The following ADAM30 variants were observed in gnomAD, a reference collection of about 807,000 sequenced individuals.
ADAM30 encodes ADAM metallopeptidase domain 30, also known as disintegrin and metalloproteinase domain-containing protein 30.
For missense variants in ADAM30, 960 were observed against 959.4 expected, an observed-to-expected ratio of 1.00 and a Z score of -0.01; for synonymous variants, 382 against 340.9, an observed-to-expected ratio of 1.12 and a Z score of -1.33.
chr1:119,894,926 C>G lies in ADAM30; in HGVS notation c.1411G>C (p.Asp471His), dbSNP rs183935565. 1 of 1,614,196 alleles carries G rather than the reference C, an allele frequency of 6.2e-7. No individual in the cohort carries two copies. The highest frequency in any genetic ancestry group is 8.5e-7 in the Non-Finnish European group (1 of 1,180,040). Residue 471 changes from aspartate to histidine, a missense_variant, in exon 1 of 1, where the codon GAC becomes CAC. Coordinates refer to ENST00000369400, the MANE Select transcript of ADAM30 (RefSeq NM_021794.4). Reference sequence around the variant, plus strand: ...TTTGGGCAGGAACTTGAATTCCCGTCGCAGTACTCTGCAAGGTCACATTCA... The same window carrying G: ...TTTGGGCAGGAACTTGAATTCCCGTGGCAGTACTCTGCAAGGTCACATTCA... ...GNECDLAEYC[D>H]GNSSSCPNDV...
rs1648488419 is a variant in ADAM30, at chr1:119,893,770, G to A, written c.*194C>T. ...TACCCACAACTTGGTCACAAACTGA[G>A]GGGCAAGTGAACACTCGAGAAGTAG... is the stretch of plus-strand genomic sequence containing the variant. On this transcript the variant is annotated 3_prime_UTR_variant, in exon 1 of 1. Coordinates refer to ENST00000369400, the MANE Select transcript of ADAM30 (RefSeq NM_021794.4). 6 of 1,125,944 alleles carry A rather than the reference G, an allele frequency of 5.3e-6. No individual in the cohort carries two copies. The East Asian group carries it at 1.6e-4, about 30-fold the overall frequency. 69.7% of individuals were successfully genotyped at this position (1,125,944 alleles called of 1,614,324 possible). A position where few individuals can be genotyped will look rare whatever the true frequency, so the allele number is the denominator to read the frequency against.
chr1:119,896,414 G>A lies in ADAM30; in HGVS notation c.-78C>T, dbSNP rs768801591. On this transcript the variant is annotated 5_prime_UTR_variant, in exon 1 of 1. Coordinates refer to ENST00000369400, the MANE Select transcript of ADAM30 (RefSeq NM_021794.4). ...CTCGCGAGTCAGATTTCTGGGGGCC[G>A]CCGCTAGAGGCGCCTGAGCTCAAAA... is the stretch of plus-strand genomic sequence containing the variant. The A allele has an allele frequency of 2.7e-5, 39 of 1,440,816 alleles. No individual in the cohort carries two copies. Among genetic ancestry groups the A allele is most frequent in the Non-Finnish European group, 3.5e-5 (38 of 1,095,708 alleles). 89.3% of individuals were successfully genotyped at this position (1,440,816 alleles called of 1,614,324 possible).
rs745329963 is a variant in ADAM30 at position 119,894,606 on chromosome 1, A to G, written c.1731T>C (p.Thr577=). The G allele has an allele frequency of 8.1e-6, 13 of 1,614,056 alleles. No individual in the cohort carries two copies. In the Admixed American group the frequency reaches 2.2e-4, roughly 27 times the overall value. Residue 577 remains threonine (T), a synonymous_variant, in exon 1 of 1, where the codon ACT becomes ACC. Coordinates refer to ENST00000369400, the MANE Select transcript of ADAM30 (RefSeq NM_021794.4). The part of the protein sequence containing the change: ...DLPEHTTIIS[T]HLQAENLMCW... ...ACATGAGATTTTCTGCCTGTAAATG[A>G]GTAGAAATTATAGTCGTATGCTCTG...
At position 119,895,180 on chromosome 1, in the gene ADAM30, G is replaced by T. The variant is rs1369112415; in HGVS notation, c.1157C>A (p.Ala386Glu). ...TCCTGGGATATTATTTAGACATGTT[G>T]CTCCCGAAGAGATATGTTTAAAAAA... Reference protein sequence around the residue: ...ISFFKHISSGATCLNNIPGLG... With the variant: ...ISFFKHISSGETCLNNIPGLG... The change falls in exon 1 of 1, where the codon GCA becomes GAA. Residue 386 changes from alanine (A) to glutamate (E), a missense_variant. Coordinates refer to ENST00000369400, the MANE Select transcript of ADAM30 (RefSeq NM_021794.4). 1 of 1,614,070 alleles carries T rather than the reference G, an allele frequency of 6.2e-7. No homozygotes were observed. Among genetic ancestry groups the T allele is most frequent in the Non-Finnish European group, 8.5e-7 (1 of 1,180,030 alleles).
rs1425599642 is a variant in ADAM30, at chr1:119,893,771, G to A, written c.*193C>T. On this transcript the variant is annotated 3_prime_UTR_variant, in exon 1 of 1. Transcript: ENST00000369400. ...ACCCACAACTTGGTCACAAACTGAG[G>A]GGCAAGTGAACACTCGAGAAGTAGA... 1 of 1,131,750 alleles carries A rather than the reference G, an allele frequency of 8.8e-7. No homozygotes were observed. Among genetic ancestry groups the A allele is most frequent in the Non-Finnish European group, 1.2e-6 (1 of 830,994 alleles). The allele number at this position is 1,131,750 out of a possible 1,614,324, so 70.1% of individuals were successfully genotyped here. A position where few individuals can be genotyped will look rare whatever the true frequency, so the allele number is the denominator to read the frequency against.
chr1:119,895,003 C>G lies in ADAM30; in HGVS notation c.1334G>C (p.Cys445Ser). The change falls in exon 1 of 1, where the codon TGT (cysteine) becomes TCT (serine). Residue 445 changes from cysteine (C) to serine (S), a missense_variant. Physicochemically the swap from Cys to Ser is moderately radical, Grantham distance 112. Coordinates refer to ENST00000369400, the MANE Select transcript of ADAM30 (RefSeq NM_021794.4). ...AGATGGACGAAACCGACAATCATGA[C>G]AGCAAAGTCCAATGCTACAGTTGGC... ...PGANCSIGLC[C>S]HDCRFRPSGY... 1 of 1,614,242 alleles carries G rather than the reference C, an allele frequency of 6.2e-7. No individual in the cohort carries two copies. The highest frequency in any genetic ancestry group is 1.1e-5 in the South Asian group (1 of 91,088).
rs1648512458 is a variant in ADAM30, at chr1:119,894,390, G to C, written c.1947C>G (p.Asn649Lys). 1 of 1,614,044 alleles carries C rather than the reference G, an allele frequency of 6.2e-7. No homozygotes were observed. Among genetic ancestry groups the C allele is most frequent in the Admixed American group, 1.7e-5 (1 of 59,998 alleles). The change falls in exon 1 of 1, where the codon AAC becomes AAG. Residue 649 changes from asparagine to lysine, a missense_variant. Transcript: ENST00000369400. ...GTGCCCACCCATACATGCAGTGGCA[G>C]TTTTTTCTGTTGTTGCAAACACCCC... is the stretch of plus-strand genomic sequence containing the variant. Reference protein sequence around the residue: ...NTRGVCNNRKNCHCMYGWAPP... With the variant: ...NTRGVCNNRKKCHCMYGWAPP...
rs776527983 is a variant in ADAM30, at chr1:119,895,609, T to G, written c.728A>C (p.Asp243Ala). ...LTGIMDTYFQ[D>A]VRMRIHLKAL... ...CTTTAAGTGTATCCTCATACGAACA[T>G]CTTGAAAGTAGGTGTCCATAATCCC... The change falls in exon 1 of 1, where the codon GAT (aspartate) becomes GCT (alanine). Residue 243 changes from aspartate (D) to alanine (A), a missense_variant. Coordinates refer to ENST00000369400, the MANE Select transcript of ADAM30 (RefSeq NM_021794.4). 2 of 1,613,972 alleles carry G rather than the reference T, an allele frequency of 1.2e-6. No individual in the cohort carries two copies. The highest frequency in any genetic ancestry group is 1.1e-5 in the South Asian group (1 of 91,054).
chr1:119,896,479 C>T lies in ADAM30; in HGVS notation c.-143G>A. The T allele has an allele frequency of 7.5e-7, 1 of 1,337,752 alleles. No individual in the cohort carries two copies. The highest frequency in any genetic ancestry group is 9.8e-7 in the Non-Finnish European group (1 of 1,019,870). The allele number at this position is 1,337,752 out of a possible 1,614,324, so 82.9% of individuals were successfully genotyped here. On this transcript the variant is annotated 5_prime_UTR_variant, in exon 1 of 1. Coordinates refer to ENST00000369400, the MANE Select transcript of ADAM30 (RefSeq NM_021794.4). ...CAGGGTTTCCGGGGGAGCCCGTAGC[C>T]TCCCAGGGCTCGGTCTAGCTGGCGT...
Position 119,896,509 on chromosome 1 carries a change from A to G in ADAM30, c.-173T>C. The G allele has an allele frequency of 1.0e-6, 1 of 1,002,918 alleles. No individual in the cohort carries two copies. Among genetic ancestry groups the G allele is most frequent in the South Asian group, 2.1e-5 (1 of 47,702 alleles). The allele number at this position is 1,002,918 out of a possible 1,614,324, so 62.1% of individuals were successfully genotyped here. A position where few individuals can be genotyped will look rare whatever the true frequency, so the allele number is the denominator to read the frequency against. ...AGGGCTCGGTCTAGCTGGCGTCCGC[A>G]ATGCGCGCGTGACCTGTCCAACGCA... On this transcript the variant is annotated 5_prime_UTR_variant, in exon 1 of 1. Coordinates refer to ENST00000369400, the MANE Select transcript of ADAM30 (RefSeq NM_021794.4).
Position 119,894,641 on chromosome 1 carries a change from G to T in ADAM30, c.1696C>A (p.Pro566Thr). ...ATAGTCGTATGCTCTGGCAAATCAGGGATGGTTTCAACATTTATACACTGT... is the reference window on the plus strand; with the variant it reads ...ATAGTCGTATGCTCTGGCAAATCAGTGATGGTTTCAACATTTATACACTGT... ...RLQCINVETI[P>T]DLPEHTTIIS... The change falls in exon 1 of 1, where the codon CCT (proline) becomes ACT (threonine). Residue 566 changes from proline to threonine, a missense_variant. Coordinates refer to ENST00000369400, the MANE Select transcript of ADAM30 (RefSeq NM_021794.4). 6.2e-7 allele frequency: 1 copy of T among 1,614,050 alleles called. No homozygotes were observed. Among genetic ancestry groups the T allele is most frequent in the African/African-American group, 1.3e-5 (1 of 75,036 alleles).
chr1:119,895,646 T>G lies in ADAM30; in HGVS notation c.691A>C (p.Ile231Leu). The G allele has an allele frequency of 6.2e-7, 1 of 1,614,130 alleles. No individual in the cohort carries two copies. Among genetic ancestry groups the G allele is most frequent in the Non-Finnish European group, 8.5e-7 (1 of 1,180,028 alleles). ...NNLSQVIHDA[I>L]LLTGIMDTYF... ...GTGTCCATAATCCCAGTCAAAAGAA[T>G]GGCATCATGTATGACTTGAGAAAGA... Residue 231 changes from isoleucine (I) to leucine (L), a missense_variant, in exon 1 of 1, where the codon ATT (isoleucine) becomes CTT (leucine). Coordinates refer to ENST00000369400, the MANE Select transcript of ADAM30 (RefSeq NM_021794.4).
At position 119,896,029 on chromosome 1, in the gene ADAM30, T is replaced by C. The variant is rs368265642; in HGVS notation, c.308A>G (p.His103Arg). The change falls in exon 1 of 1, where the codon CAT becomes CGT. Residue 103 changes from histidine to arginine, a missense_variant. Physicochemically the swap from His to Arg is conservative, Grantham distance 29. Coordinates refer to ENST00000369400, the MANE Select transcript of ADAM30 (RefSeq NM_021794.4). ...FTEHGELLED[H>R]PYIPKDCNYM... is the part of the protein sequence containing the mutation. Reference sequence around the variant, plus strand: ...GTTGCAGTCCTTTGGTATGTAAGGATGATCCTCCAGCAGTTCCCCATGTTC... The same window carrying C: ...GTTGCAGTCCTTTGGTATGTAAGGACGATCCTCCAGCAGTTCCCCATGTTC... The C allele has an allele frequency of 8.1e-6, 13 of 1,613,994 alleles. No individual in the cohort carries two copies. The East Asian group carries it at 1.1e-4, about 14-fold the overall frequency.
chr1:119,895,176 T>C lies in ADAM30; in HGVS notation c.1161A>G (p.Thr387=), dbSNP rs750145217. 2.5e-6 allele frequency: 4 copies of C among 1,614,072 alleles called. No individual in the cohort carries two copies. The highest frequency in any genetic ancestry group is 1.3e-5 in the African/African-American group (1 of 74,918). Residue 387 remains threonine, a synonymous_variant, in exon 1 of 1, where the codon ACA becomes ACG. Coordinates refer to ENST00000369400, the MANE Select transcript of ADAM30 (RefSeq NM_021794.4). ...CTAGTCCTGGGATATTATTTAGACATGTTGCTCCCGAAGAGATATGTTTAA... is the reference window on the plus strand; with the variant it reads ...CTAGTCCTGGGATATTATTTAGACACGTTGCTCCCGAAGAGATATGTTTAA... ...SFFKHISSGA[T]CLNNIPGLGY... is the part of the protein sequence containing the mutation.
chr1:119,894,726 C>A lies in ADAM30; in HGVS notation c.1611G>T (p.Glu537Asp). The A allele has an allele frequency of 6.2e-7, 1 of 1,614,210 alleles. No homozygotes were observed. The highest frequency in any genetic ancestry group is 8.5e-7 in the Non-Finnish European group (1 of 1,180,024). ...NLIGDQFGNC[E>D]ITGIRNFKKC... ...TTTTAAAATTTCGAATTCCTGTAAT[C>A]TCACAGTTACCAAATTGATCACCTA... The change falls in exon 1 of 1, where the codon GAG becomes GAT. Residue 537 changes from glutamate to aspartate, a missense_variant. Coordinates refer to ENST00000369400, the MANE Select transcript of ADAM30 (RefSeq NM_021794.4).
chr1:119,894,588 A>AT lies in ADAM30; in HGVS notation c.1748dup (p.Asn583LysfsTer20), dbSNP rs1418720781. 6.2e-7 allele frequency: 1 copy of AT among 1,614,046 alleles called. No homozygotes were observed. Reference sequence around the variant, plus strand: ...GATAGCCTGTGCCCCAGCACATGAGATTTTCTGCCTGTAAATGAGTAGAAA... The same window carrying AT: ...GATAGCCTGTGCCCCAGCACATGAGATTTTTCTGCCTGTAAATGAGTAGAAA... On this transcript the variant is annotated frameshift_variant, in exon 1 of 1. Transcript: ENST00000369400. LOFTEE classifies it low-confidence loss of function (END_TRUNC).
rs201365967 is a variant in ADAM30 at position 119,894,272 on chromosome 1, C to G, written c.2065G>C (p.Val689Leu). 1.4e-5 allele frequency: 22 copies of G among 1,614,200 alleles called. No individual in the cohort carries two copies. In the East Asian group the frequency reaches 4.7e-4, roughly 34 times the overall value. ...ATAAGGCGAAACATTATGATGGACA[C>G]AACCCAAATTGACGAGGGAATCGCC... ...RGAIPSSIWV[V>L]SIIMFRLILL... Residue 689 changes from valine to leucine, a missense_variant, in exon 1 of 1, where the codon GTG (valine) becomes CTG (leucine). Val to Leu is a conservative substitution (Grantham distance 32). Transcript: ENST00000369400.
At position 119,894,447 on chromosome 1, in the gene ADAM30, C is replaced by T. The variant is rs760523161; in HGVS notation, c.1890G>A (p.Gln630=). 2 of 1,614,080 alleles carry T rather than the reference C, an allele frequency of 1.2e-6. No individual in the cohort carries two copies. Among genetic ancestry groups the T allele is most frequent in the Non-Finnish European group, 1.7e-6 (2 of 1,180,050 alleles). ...KKNCVNSSVL[Q]FDCLPEKCNT... Reference sequence around the variant, plus strand: ...TGCATTTCTCAGGCAAACAGTCAAACTGCAGGACTGAGCTATTGACGCAAT... The same window carrying T: ...TGCATTTCTCAGGCAAACAGTCAAATTGCAGGACTGAGCTATTGACGCAAT... The change falls in exon 1 of 1, where the codon CAG becomes CAA. Residue 630 remains glutamine (Q), a synonymous_variant. Transcript: ENST00000369400.
Position 119,895,264 on chromosome 1 carries a change from C to T in ADAM30, c.1073G>A (p.Arg358Lys). ...TCCTGAGCCCATGATGCAATTAAGC[C>T]TACCCCTACATTGGCAGTATTGTTC... ...HDEQYCQCRG[R>K]LNCIMGSGRT... Residue 358 changes from arginine to lysine, a missense_variant, in exon 1 of 1, where the codon AGG becomes AAG. Coordinates refer to ENST00000369400, the MANE Select transcript of ADAM30 (RefSeq NM_021794.4). 1 of 1,614,150 alleles carries T rather than the reference C, an allele frequency of 6.2e-7. No homozygotes were observed. Among genetic ancestry groups the T allele is most frequent in the Non-Finnish European group, 8.5e-7 (1 of 1,180,016 alleles).
Sources: gnomAD v4.1 joint callset for allele counts on GRCh38, gnomAD v4.1.1 for gene constraint, MANE v1.5 for transcripts, NCBI Gene and HGNC (gene_info 2026-07-23, HGNC 2026-07-21) for gene names.